Variants in AFAP1L2 observed in about 807,000 individuals in gnomAD.
AFAP1L2 encodes actin filament associated protein 1 like 2, also known as actin filament-associated protein 1-like 2.
A neutral mutation model predicts 99.3 loss-of-function variants in AFAP1L2; 46 were observed. That is an observed-to-expected ratio of 0.46 (90% CI 0.37 to 0.59). The LOEUF is 0.59. Ranked by LOEUF, AFAP1L2 falls within the 20% of genes least tolerant of loss-of-function variation. The pLI, the probability that AFAP1L2 is intolerant of heterozygous loss-of-function variation, is 0.00. For synonymous variants in AFAP1L2, 397 were observed against 419.1 expected (o/e 0.95, Z 0.64); for missense variants, 959 against 1,034.9 (o/e 0.93, Z 1.01).
chr10:114,316,314 G>A (rs2044137969), intron 5 of AFAP1L2, among the ~76,000 whole-genome samples: 1 of 152,192 alleles, frequency 6.6e-6, no homozygotes, highest in Non-Finnish European at 1.5e-5. Flanking sequence ...CCTAGATCTG[G>A]GGAAGGGGCT....
At chr10:114,394,042 G>T (rs188531463) in intron 1 of AFAP1L2, among the ~76,000 whole-genome samples, 1 of 152,300 alleles carries the variant, frequency 6.6e-6, no homozygotes, top group African/African-American at 2.4e-5. Context: ...CCCCTTGGTG[G>T]TCAGCGAGTC....
At chr10:114,317,778 G>C (rs1175076374) in intron 5 of AFAP1L2, among the ~76,000 whole-genome samples, 1 of 152,196 alleles carries the variant, frequency 6.6e-6, no homozygotes, top group African/African-American at 2.4e-5. Flanking sequence ...AGGATGGCTT[G>C]AGCCCAGGAG....
At chr10:114,340,010 CAAAA>C (rs3061677) in intron 2 of AFAP1L2, among the ~76,000 whole-genome samples, 2 of 117,804 alleles carry the variant, frequency 1.7e-5, no homozygotes, top group East Asian at 2.5e-4. Context: ...GACCCCGTCT[CAAAA>C]AAAAAAAAAA....
Position 114,340,711 on chromosome 10 carries a change from C to G in AFAP1L2, c.37G>C (p.Glu13Gln), listed in dbSNP as rs201870637. The G allele has an allele frequency of 6.2e-7, 1 of 1,614,250 alleles. No individual in the cohort carries two copies. The highest frequency in any genetic ancestry group is 1.3e-5 in the African/African-American group (1 of 75,062). The change falls in exon 2 of 19, where the codon GAG becomes CAG. Residue 13 changes from glutamate to glutamine, a missense_variant. Physicochemically the swap from Glu to Gln is conservative, Grantham distance 29 (BLOSUM62 2). This residue lies in a region of AFAP1L2 where 383 missense variants were observed against 472.8 expected (regional missense o/e 0.81). Transcript: ENST00000304129. ...RYKALEQLLT[E>Q]LDDFLKILDQ... ...AGAATCTTGAGGAAGTCATCCAACTCTGTCAGCAGCTGTTCCAGGGCTAGG... is the reference window on the plus strand; with the variant it reads ...AGAATCTTGAGGAAGTCATCCAACTGTGTCAGCAGCTGTTCCAGGGCTAGG...
chr10:114,325,318 C>T (rs562102618), intron 4 of AFAP1L2, among the ~76,000 whole-genome samples: 1 of 152,312 alleles, frequency 6.6e-6, no homozygotes, highest in East Asian at 1.9e-4. Context: ...CCAGGGTCTG[C>T]AGGTTGCGCA....
chr10:114,370,718 G>A (rs1389540708), intron 1 of AFAP1L2, among the ~76,000 whole-genome samples: 1 of 152,200 alleles, frequency 6.6e-6, no homozygotes, highest in African/African-American at 2.4e-5. Flanking sequence ...AATTTGGTCT[G>A]AGACTTGTTC....
At chr10:114,404,643 G>A, upstream of AFAP1L2, 5 of 781,436 alleles carry the variant, frequency 6.4e-6, no homozygotes, top group Non-Finnish European at 8.7e-6. Context: ...CAGCGCCCCT[G>A]TCCCAGCGCC....
At chr10:114,386,140 C>T (rs966977598) in intron 1 of AFAP1L2, among the ~76,000 whole-genome samples, 2 of 152,264 alleles carry the variant, frequency 1.3e-5, no homozygotes, top group East Asian at 1.9e-4. Context: ...CCCAGGCCCT[C>T]GGTAACCTCA....
rs376440162 is a variant in AFAP1L2, at chr10:114,399,990, C to A, written c.16+4450G>T. Among the ~76,000 whole-genome samples the A allele has an allele frequency of 1.7e-3, 264 of 152,344 alleles. 1 individual carries two copies. The highest frequency in any genetic ancestry group is 6.1e-3 in the African/African-American group (253 of 41,594). On this transcript the variant is annotated intron_variant, in intron 1 of 18. Transcript: ENST00000304129. ...GGAAACTGAGGCCTGGAGAGCTCAG[C>A]AGTTTGCCCAAGGAAATGAAGCCTG...
intron 5 of AFAP1L2, among the ~76,000 whole-genome samples, chr10:114,317,818 C>T (rs908884560): frequency 6.6e-6 from 1 of 152,176 alleles, no homozygotes; most frequent in African/African-American, 2.4e-5. Flanking sequence ...GAGATCGTGC[C>T]ACTGGCACTC....
At chr10:114,291,534 CTA>C (rs1351993080), downstream of AFAP1L2, 1 of 376,764 alleles carries the variant, frequency 2.7e-6, no homozygotes, top group East Asian at 5.4e-5. Flanking sequence ...CTTGTTGAGG[CTA>C]TGTCATCTGC....
At chr10:114,364,282 C>T (rs1182396215) in intron 1 of AFAP1L2, among the ~76,000 whole-genome samples, 2 of 152,184 alleles carry the variant, frequency 1.3e-5, no homozygotes, top group East Asian at 1.9e-4. Flanking sequence ...CCAGGACTGA[C>T]GCAACAATGT....
chr10:114,404,473 C>A lies in AFAP1L2; in HGVS notation c.-18G>T, dbSNP rs1184964427. 5 of 1,536,592 alleles carry A rather than the reference C, an allele frequency of 3.3e-6. No individual in the cohort carries two copies. The highest frequency in any genetic ancestry group is 3.5e-6 in the Non-Finnish European group (4 of 1,144,444). On this transcript the variant is annotated 5_prime_UTR_variant, in exon 1 of 19. Coordinates refer to ENST00000304129, the MANE Select transcript of AFAP1L2 (RefSeq NM_001001936.3). ...CGCTCCATCGGGGCCACGGAGTGCG[C>A]TCCTCGCGGCTCGGCTTCTGCGCTG...
intron 5 of AFAP1L2, chr10:114,319,622 T>G: frequency 7.8e-7 from 1 of 1,289,508 alleles, no homozygotes; most frequent in Non-Finnish European, 1.0e-6. Flanking sequence ...GGGACTCCAG[T>G]GGGGAGAAAT....
downstream of AFAP1L2, among the ~76,000 whole-genome samples, chr10:114,294,508 A>C (rs980962648): frequency 2.6e-5 from 4 of 152,354 alleles, no homozygotes; most frequent in South Asian, 2.1e-4. Context: ...ATTACTACTT[A>C]GGCAACCTTC....
downstream of AFAP1L2, among the ~76,000 whole-genome samples, chr10:114,290,807 T>G (rs1007697254): frequency 6.6e-6 from 1 of 152,000 alleles, no homozygotes; most frequent in Non-Finnish European, 1.5e-5. Flanking sequence ...TGCTATTTGC[T>G]CAGTAAAATG....
chr10:114,315,882 T>C, intron 5 of AFAP1L2, 117 bp from the exon 6 acceptor site: 1 of 1,021,090 alleles, frequency 9.8e-7, no homozygotes. Flanking sequence ...CCCCCGACTC[T>C]CCCTGCCCTC....
downstream of AFAP1L2, among the ~76,000 whole-genome samples, chr10:114,291,689 C>T (rs563149810): frequency 3.9e-5 from 6 of 152,324 alleles, no homozygotes; most frequent in South Asian, 2.1e-4. Flanking sequence ...ATCCTTTGGA[C>T]GGCGAAGGCC....
chr10:114,337,035 C>A (rs2135777752), intron 2 of AFAP1L2, among the ~76,000 whole-genome samples: 1 of 152,338 alleles, frequency 6.6e-6, no homozygotes, highest in Non-Finnish European at 1.5e-5. Flanking sequence ...ACCTACAAGT[C>A]TCAACAGGCT....
Sources: gnomAD v4.1 joint callset for allele counts (sites outside exome capture counted in the v4.1 genomes callset) on GRCh38, gnomAD v4.1.1 for gene constraint, gnomAD v4.1.1 regional missense constraint, MANE v1.5 for transcripts, NCBI Gene and HGNC (gene_info 2026-07-23, HGNC 2026-07-21) for gene names.